The following BOLL variants were observed in gnomAD, a reference collection of about 807,000 sequenced individuals.
The protein encoded by BOLL is protein boule-like.
BOLL carries 23 observed loss-of-function variants against 44.4 expected under a neutral mutation model. That is an observed-to-expected ratio of 0.52 (90% confidence interval 0.37 to 0.73). The LOEUF is 0.73. Ranked by LOEUF, BOLL falls within the 30% of genes least tolerant of loss-of-function variation. The probability of loss-of-function intolerance (pLI) is 0.00; values close to 1 mark genes in which losing one functional copy is unlikely to be tolerated. For missense variants in BOLL, 287 were observed against 338.3 expected (o/e 0.85, Z 1.19); for synonymous variants, 97 against 110.8 (o/e 0.88, Z 0.78).
chr2:197,785,223 AG>A lies in BOLL; in HGVS notation c.-184del. The A allele has an allele frequency of 1.0e-6, 1 of 985,858 alleles. No individual in the cohort carries two copies. Among genetic ancestry groups the A allele is most frequent in the Non-Finnish European group, 1.2e-6 (1 of 829,906 alleles). 61.1% of individuals were successfully genotyped at this position (985,858 alleles called of 1,614,324 possible). A position where few individuals can be genotyped will look rare whatever the true frequency, so the allele number is the denominator to read the frequency against. On this transcript the variant is annotated 5_prime_UTR_variant, in exon 1 of 11. Coordinates refer to ENST00000392296, the MANE Select transcript of BOLL (RefSeq NM_033030.6). The surrounding 1 kb of genome is among the most constrained non-coding windows in gnomAD (Gnocchi z 6.7). ...CCACCAAAGTGCGGGAGGGAAAAGA[AG>A]GCTAGCCAGCGAGAAATTTTGCCCC...
intron 2 of BOLL, among the ~76,000 whole-genome samples, chr2:197,780,776 GA>G (rs1401697194): frequency 2.8e-5 from 2 of 71,248 alleles, no homozygotes; most frequent in African/African-American, 2.2e-4. Flanking sequence ...ATGGCATAAG[GA>G]AGGTTTTTTT....
chr2:197,732,036 G>A (rs1477679050), intron 10 of BOLL, among the ~76,000 whole-genome samples: 3 of 148,920 alleles, frequency 2.0e-5, no homozygotes, highest in South Asian at 2.2e-4. Flanking sequence ...TTTTTTGAAA[G>A]GATCAACAAA....
intron 1 of BOLL, chr2:197,784,815 A>T (rs1689992551): frequency 2.2e-5 from 22 of 987,604 alleles, no homozygotes; most frequent in Non-Finnish European, 2.3e-5. Flanking sequence ...GCATTGAGTT[A>T]AACAACAAAG....
rs547165148 is a variant in BOLL at position 197,739,780 on chromosome 2, T to G, written c.828+3281A>C. ...ATTTTAAGAATGTTTAACATTAACA[T>G]CCTTTGGAAATTTCTCCTATCCAAA... On this transcript the variant is annotated intron_variant, in intron 10 of 10. Transcript: ENST00000392296. Among the ~76,000 whole-genome samples, 4 of 152,282 alleles carry G rather than the reference T, an allele frequency of 2.6e-5. No homozygotes were observed. The East Asian group carries it at 7.7e-4, about 29-fold the overall frequency.
intron 5 of BOLL, chr2:197,774,551 G>A (rs1689419665): frequency 6.6e-6 from 1 of 151,970 alleles, no homozygotes; most frequent in Non-Finnish European, 1.5e-5. Context: ...ATATGTGAAA[G>A]CATTCAGCAT....
At chr2:197,751,072 G>T (rs7571255) in intron 9 of BOLL, among the ~76,000 whole-genome samples, 3 of 151,942 alleles carry the variant, frequency 2.0e-5, no homozygotes. Flanking sequence ...AAATTAAGGC[G>T]GAAATAAATA....
At chr2:197,767,262 T>C (rs552619347) in intron 6 of BOLL, among the ~76,000 whole-genome samples, 1 of 152,090 alleles carries the variant, frequency 6.6e-6, no homozygotes, top group South Asian at 2.1e-4. Flanking sequence ...CAAGTTGTAT[T>C]GCAAGATAGT....
intron 5 of BOLL, 41 bp downstream of exon 5, chr2:197,775,624 A>G (rs909436211): frequency 2.4e-6 from 3 of 1,242,224 alleles, no homozygotes; most frequent in Non-Finnish European, 3.4e-6. Flanking sequence ...AAAAAGAACC[A>G]TGCAAAAATA....
chr2:197,752,669 GA>G (rs564290840), intron 9 of BOLL, among the ~76,000 whole-genome samples: 403 of 152,280 alleles, frequency 2.6e-3, no homozygotes, highest in Non-Finnish European at 5.0e-3. Context: ...CAATCAAATG[GA>G]AAAACATTCC....
intron 4 of BOLL, 95 bp downstream of exon 4, chr2:197,776,964 T>A (rs901702649): frequency 1.7e-4 from 164 of 982,864 alleles, no homozygotes; most frequent in Non-Finnish European, 2.3e-4. Context: ...AAACCTTTTT[T>A]AAAAAGCAGT....
chr2:197,756,386 A>C, intron 9 of BOLL, 42 bp downstream of exon 9: 1 of 1,462,714 alleles, frequency 6.8e-7, no homozygotes. Flanking sequence ...AAATGTTAAC[A>C]TGAGGTAGTT....
chr2:197,743,041 A>C lies in BOLL; in HGVS notation c.828+20T>G, dbSNP rs993922126. 6.5e-7 allele frequency: 1 copy of C among 1,531,222 alleles called. No homozygotes were observed. The highest frequency in any genetic ancestry group is 1.4e-5 in the African/African-American group (1 of 71,914). The allele number at this position is 1,531,222 out of a possible 1,614,324, so 94.9% of individuals were successfully genotyped here. A position where few individuals can be genotyped will look rare whatever the true frequency, so the allele number is the denominator to read the frequency against. On this transcript the variant is annotated intron_variant, in intron 10 of 10. Coordinates refer to ENST00000392296, the MANE Select transcript of BOLL (RefSeq NM_033030.6). ...ATGATGGAAGAAAAACAAAGTAAAAAGTCAAAACAAATTTCTTACTTTAAT... is the reference window on the plus strand; with the variant it reads ...ATGATGGAAGAAAAACAAAGTAAAACGTCAAAACAAATTTCTTACTTTAAT...
At chr2:197,758,976 A>G (rs957905559) in intron 7 of BOLL, 32 of 1,535,946 alleles carry the variant, frequency 2.1e-5, no homozygotes, top group Non-Finnish European at 2.6e-5. Context: ...CAAAGAGTCC[A>G]TCCATCTTCT....
intron 10 of BOLL, among the ~76,000 whole-genome samples, chr2:197,734,929 A>T (rs1687412146): frequency 6.6e-6 from 1 of 152,180 alleles, no homozygotes. Flanking sequence ...CGTTGTGCAC[A>T]TGTATCCTAA....
intron 10 of BOLL, among the ~76,000 whole-genome samples, chr2:197,736,685 G>A (rs1468164246): frequency 1.3e-5 from 2 of 152,088 alleles, no homozygotes; most frequent in Non-Finnish European, 2.9e-5. Flanking sequence ...TAACTGCCAG[G>A]ATATCTATGC....
intron 3 of BOLL, among the ~76,000 whole-genome samples, chr2:197,778,640 A>G: frequency 6.6e-6 from 1 of 151,900 alleles, no homozygotes; most frequent in East Asian, 1.9e-4. Flanking sequence ...AAGCAGGGAT[A>G]CAATTCCAAA....
chr2:197,739,639 TTA>T (rs1383215409), intron 10 of BOLL, among the ~76,000 whole-genome samples: 1 of 152,172 alleles, frequency 6.6e-6, no homozygotes, highest in Non-Finnish European at 1.5e-5. Flanking sequence ...TTGGTAATCT[TTA>T]TATGACTATA....
chr2:197,777,888 T>C (rs1218376652), intron 3 of BOLL, among the ~76,000 whole-genome samples: 4 of 151,970 alleles, frequency 2.6e-5, no homozygotes, highest in Non-Finnish European at 5.9e-5. Flanking sequence ...TACTGGATCA[T>C]ATACAAAGTT....
At chr2:197,785,879 C>T (rs564136045), upstream of BOLL, 50 of 975,486 alleles carry the variant, frequency 5.1e-5, 1 homozygote, top group South Asian at 5.0e-4. The surrounding 1 kb of genome is among the most constrained non-coding windows in gnomAD (Gnocchi z 6.7). Context: ...AGATAGCGAG[C>T]GTTTGGGGCC....
Sources: allele counts gnomAD v4.1 joint callset (sites outside exome capture counted in the v4.1 genomes callset), GRCh38; gene constraint gnomAD v4.1.1; non-coding constraint Gnocchi (gnomAD v3.1); transcripts MANE v1.5; gene names NCBI Gene and HGNC (gene_info 2026-07-23, HGNC 2026-07-21).